The following NLGN1 variants were observed in gnomAD, a reference collection of about 807,000 sequenced individuals.
NLGN1 encodes neuroligin-1.
Under a neutral mutation model 65.5 loss-of-function variants are expected in NLGN1, and 12 were observed. The ratio of observed to expected loss-of-function variants is 0.18; its 90% CI spans 0.12 to 0.30. The LOEUF (loss-of-function observed/expected upper bound fraction) is 0.30, where lower values mean the gene tolerates loss of function less well. Ranked by LOEUF, NLGN1 falls within the 10% of genes least tolerant of loss-of-function variation. The pLI is 1.00. For synonymous variants in NLGN1, 350 were observed against 359.5 expected (o/e 0.97, Z 0.30); for missense variants, 750 against 1,007.1 (o/e 0.74, Z 3.46).
intron 2 of NLGN1, among the ~76,000 whole-genome samples, chr3:173,598,884 C>T (rs1749972560): frequency 1.3e-5 from 2 of 152,104 alleles, no homozygotes; most frequent in African/African-American, 4.8e-5. Context: ...AGCTTTGGGG[C>T]TCCTCTGATT....
At chr3:173,517,693 A>T (rs1342727983) in intron 2 of NLGN1, among the ~76,000 whole-genome samples, 1 of 151,980 alleles carries the variant, frequency 6.6e-6, no homozygotes, top group Non-Finnish European at 1.5e-5. Flanking sequence ...TGATTCTTTA[A>T]AACATTTTAT....
intron 2 of NLGN1, among the ~76,000 whole-genome samples, chr3:173,555,963 C>T (rs191689826): frequency 2.0e-5 from 3 of 152,302 alleles, no homozygotes; most frequent in Non-Finnish European, 2.9e-5. Flanking sequence ...TATTTTTAAT[C>T]ATTAATTCAA....
chr3:174,062,571 C>G (rs1464767779), intron 4 of NLGN1, among the ~76,000 whole-genome samples: 2 of 151,818 alleles, frequency 1.3e-5, no homozygotes, highest in Non-Finnish European at 2.9e-5. Flanking sequence ...AAAAAAAACA[C>G]TAATTATATG....
Position 173,674,362 on chromosome 3 carries a change from A to G in NLGN1, c.493+69271A>G, listed in dbSNP as rs554055316. 1.3e-4 allele frequency among the ~76,000 whole-genome samples: 19 copies of G among 149,018 alleles called. No individual in the cohort carries two copies. The East Asian group carries it at 3.3e-3, about 26-fold the overall frequency. Reference sequence around the variant, plus strand: ...GTGCCCTTATTGTGTACAAAGCACTATGCATTCATGTCATTATCCCAACTT... The same window carrying G: ...GTGCCCTTATTGTGTACAAAGCACTGTGCATTCATGTCATTATCCCAACTT... On this transcript the variant is annotated intron_variant, in intron 3 of 6. Transcript: ENST00000457714.
chr3:173,436,523 C>T (rs547513673), intron 2 of NLGN1, among the ~76,000 whole-genome samples: 2 of 152,178 alleles, frequency 1.3e-5, no homozygotes, highest in African/African-American at 2.4e-5. Flanking sequence ...TGACCAAGAG[C>T]ATTAATTTTA....
At chr3:174,060,399 A>T (rs1737132950) in intron 4 of NLGN1, among the ~76,000 whole-genome samples, 1 of 152,078 alleles carries the variant, frequency 6.6e-6, no homozygotes, top group Admixed American at 6.6e-5. Flanking sequence ...GCAACTCAGG[A>T]TCTGATTTAA....
chr3:174,233,088 G>A (rs1274944666), intron 4 of NLGN1, among the ~76,000 whole-genome samples: 5 of 152,290 alleles, frequency 3.3e-5, no homozygotes, highest in Admixed American at 1.3e-4. Context: ...CAGACAGAAG[G>A]GTGCTCTGGG....
At chr3:174,061,135 G>T (rs1737320930) in intron 4 of NLGN1, among the ~76,000 whole-genome samples, 1 of 151,990 alleles carries the variant, frequency 6.6e-6, no homozygotes. Context: ...TGCCATTTGT[G>T]CATCATTAAA....
chr3:174,068,902 G>A (rs1449477469), intron 4 of NLGN1, among the ~76,000 whole-genome samples: 1 of 152,092 alleles, frequency 6.6e-6, no homozygotes, highest in Non-Finnish European at 1.5e-5. Flanking sequence ...TGTGTGTGCC[G>A]ATGCTGTGGG....
chr3:174,270,355 A>G (rs563841907), intron 4 of NLGN1, among the ~76,000 whole-genome samples: 2 of 151,808 alleles, frequency 1.3e-5, no homozygotes, highest in South Asian at 2.1e-4. Context: ...TCATTGTTCT[A>G]TATCTGGATA....
At chr3:173,837,262 A>G (rs1723807211) in intron 4 of NLGN1, among the ~76,000 whole-genome samples, 1 of 152,108 alleles carries the variant, frequency 6.6e-6, no homozygotes, top group Non-Finnish European at 1.5e-5. Context: ...ATAAAGACAA[A>G]AGATGTTTTT....
At chr3:173,767,415 T>C (rs1778930149) in intron 3 of NLGN1, among the ~76,000 whole-genome samples, 1 of 152,024 alleles carries the variant, frequency 6.6e-6, no homozygotes, top group Admixed American at 6.6e-5. Context: ...TTATTATATG[T>C]AGAGGATATT....
Position 174,154,985 on chromosome 3 carries a change from T to A in NLGN1, c.647-120330T>A, listed in dbSNP as rs1423770061. Among the ~76,000 whole-genome samples the A allele has an allele frequency of 9.7e-3, 1,329 of 136,930 alleles. 43 individuals carry two copies. The highest frequency in any genetic ancestry group is 0.034 in the African/African-American group (1,236 of 36,792). The allele number at this position is 136,930 out of a possible 152,430, so 89.8% of individuals were successfully genotyped here. A position where few individuals can be genotyped will look rare whatever the true frequency, so the allele number is the denominator to read the frequency against. The stretch of plus-strand genomic sequence containing the variant: ...ATATAATTATATATAATATATTATA[T>A]TATATATTATATATATTTATATATT... On this transcript the variant is annotated intron_variant, in intron 4 of 6. Coordinates refer to ENST00000457714, the Ensembl canonical transcript of NLGN1.
chr3:174,009,611 AC>A (rs936428162), intron 4 of NLGN1, among the ~76,000 whole-genome samples: 2 of 152,162 alleles, frequency 1.3e-5, no homozygotes, highest in Non-Finnish European at 2.9e-5. Flanking sequence ...ATTCTTAACC[AC>A]ACAGTAAACA....
intron 2 of NLGN1, among the ~76,000 whole-genome samples, chr3:173,485,413 G>A (rs1249801628): frequency 6.6e-6 from 1 of 152,034 alleles, no homozygotes; most frequent in Non-Finnish European, 1.5e-5. Context: ...TTCAAAAATT[G>A]TTGTGCTTAT....
intron 3 of NLGN1, among the ~76,000 whole-genome samples, chr3:173,643,752 C>T (rs1267287871): frequency 6.6e-6 from 1 of 152,174 alleles, no homozygotes; most frequent in Non-Finnish European, 1.5e-5. Flanking sequence ...CTCTTACTCA[C>T]TGAAAGAGAT....
chr3:174,169,014 G>A (rs1014522305), intron 4 of NLGN1, among the ~76,000 whole-genome samples: 1 of 152,166 alleles, frequency 6.6e-6, no homozygotes, highest in Non-Finnish European at 1.5e-5. Context: ...CACAGGAGGG[G>A]TGGGGTGACT....
chr3:173,952,248 A>G (rs758887147), intron 4 of NLGN1, among the ~76,000 whole-genome samples: 25 of 152,180 alleles, frequency 1.6e-4, no homozygotes, highest in South Asian at 4.1e-4. Flanking sequence ...TTTCCCGATA[A>G]GAGCCAACAA....
intron 4 of NLGN1, among the ~76,000 whole-genome samples, chr3:174,254,498 A>T (rs1197404900): frequency 6.6e-6 from 1 of 152,026 alleles, no homozygotes; most frequent in Non-Finnish European, 1.5e-5. Flanking sequence ...TTTGTTGTAG[A>T]ATACTTACAC....
Sources: allele counts gnomAD v4.1 joint callset (sites outside exome capture counted in the v4.1 genomes callset), GRCh38; gene constraint gnomAD v4.1.1; transcripts MANE v1.5; gene names NCBI Gene and HGNC (gene_info 2026-07-23, HGNC 2026-07-21).